FAM135B: variants seen among roughly 807,000 people sequenced by gnomAD.
FAM135B encodes family with sequence similarity 135 member B.
A neutral mutation model predicts 127.7 loss-of-function variants in FAM135B; 43 were observed. The observed-to-expected ratio is 0.34, with a 90% confidence interval of 0.26 to 0.43. FAM135B has a LOEUF of 0.43. Among genes scored for constraint, FAM135B ranks in the 20% least tolerant of loss-of-function variants. The pLI, the probability that FAM135B is intolerant of heterozygous loss-of-function variation, is 1.00. For synonymous variants in FAM135B, 670 were observed against 665.1 expected (o/e 1.01, Z -0.11); for missense variants, 1,558 against 1,725.6 (o/e 0.90, Z 1.72).
chr8:138,291,137 G>A (rs1825080654), intron 3 of FAM135B, among the ~76,000 whole-genome samples: 1 of 152,196 alleles, frequency 6.6e-6, no homozygotes, highest in African/African-American at 2.4e-5. Context: ...TGCAGAGCTA[G>A]CTGACAATAG....
intron 2 of FAM135B, among the ~76,000 whole-genome samples, chr8:138,336,160 A>G (rs1828566331): frequency 6.6e-6 from 1 of 152,150 alleles, no homozygotes; most frequent in Non-Finnish European, 1.5e-5. Context: ...AGCAGGAAAG[A>G]TCTAAAATTG....
At chr8:138,163,898 A>C (rs1187764283) in intron 12 of FAM135B, among the ~76,000 whole-genome samples, 1 of 152,146 alleles carries the variant, frequency 6.6e-6, no homozygotes, top group Non-Finnish European at 1.5e-5. Context: ...GCACGGTCAC[A>C]GCTCACTGTA....
intron 1 of FAM135B, among the ~76,000 whole-genome samples, chr8:138,394,608 C>A (rs1470601212): frequency 6.6e-6 from 1 of 152,208 alleles, no homozygotes; most frequent in Non-Finnish European, 1.5e-5. Context: ...TTCACTGAGG[C>A]AGGTGACCTT....
chr8:138,318,943 C>T (rs970082422), intron 2 of FAM135B, among the ~76,000 whole-genome samples: 1 of 152,262 alleles, frequency 6.6e-6, no homozygotes, highest in East Asian at 1.9e-4. Flanking sequence ...ACCACATATT[C>T]ATATATGATG....
chr8:138,160,874 CA>C (rs1819320287), intron 12 of FAM135B, among the ~76,000 whole-genome samples: 1 of 152,132 alleles, frequency 6.6e-6, no homozygotes, highest in African/African-American at 2.4e-5. Context: ...TTGTAAATAT[CA>C]AAGCATTTCT....
chr8:138,305,310 A>C (rs1162306435), intron 3 of FAM135B, among the ~76,000 whole-genome samples: 1 of 152,174 alleles, frequency 6.6e-6, no homozygotes, highest in Non-Finnish European at 1.5e-5. Context: ...TTTTGTGCCT[A>C]ATCATTTGCT....
chr8:138,134,049 C>T (rs187489155), intron 19 of FAM135B, among the ~76,000 whole-genome samples: 26 of 152,192 alleles, frequency 1.7e-4, no homozygotes, highest in African/African-American at 4.8e-4. Flanking sequence ...CTTAGAGTAG[C>T]GGTCATTACA....
At position 138,250,821 on chromosome 8, in the gene FAM135B, G is replaced by A. The variant is rs1821640134; in HGVS notation, c.542+20C>T. On this transcript the variant is annotated intron_variant, in intron 6 of 19. Transcript: ENST00000395297. ...TGGAAGGTGGCTCCCACATATCAGG[G>A]CTGCCTCTGAACTTCATACCTGATC... 1 of 1,611,968 alleles carries A rather than the reference G, an allele frequency of 6.2e-7. No homozygotes were observed. Among genetic ancestry groups the A allele is most frequent in the Non-Finnish European group, 8.5e-7 (1 of 1,179,128 alleles).
At chr8:138,216,765 T>G (rs1818578662) in intron 7 of FAM135B, among the ~76,000 whole-genome samples, 1 of 152,194 alleles carries the variant, frequency 6.6e-6, no homozygotes, top group Non-Finnish European at 1.5e-5. Context: ...TAAACTCTGA[T>G]TAATCCACAG....
chr8:138,396,889 C>T (rs992270270), intron 1 of FAM135B, among the ~76,000 whole-genome samples: 9 of 152,170 alleles, frequency 5.9e-5, no homozygotes, highest in Non-Finnish European at 8.8e-5. Context: ...AAAGGACACA[C>T]GTGCCCCTAA....
Position 138,357,805 on chromosome 8 carries a change from C to T in FAM135B, c.77+10102G>A, listed in dbSNP as rs140800477. 5.1e-3 allele frequency among the ~76,000 whole-genome samples: 780 copies of T among 152,210 alleles called. 1 individual carries two copies. Among genetic ancestry groups the T allele is most frequent in the Non-Finnish European group, 6.9e-3 (466 of 68,012 alleles). Reference sequence around the variant, plus strand: ...TATTGACTATATTTCCCTAGTGTCCCTACAGCTATCATTTCTTTAGAAACG... The same window carrying T: ...TATTGACTATATTTCCCTAGTGTCCTTACAGCTATCATTTCTTTAGAAACG... On this transcript the variant is annotated intron_variant, in intron 2 of 19. Coordinates refer to ENST00000395297, the MANE Select transcript of FAM135B (RefSeq NM_015912.4).
intron 2 of FAM135B, among the ~76,000 whole-genome samples, chr8:138,322,551 A>G (rs1352020748): frequency 1.3e-5 from 2 of 152,232 alleles, no homozygotes; most frequent in Non-Finnish European, 2.9e-5. Context: ...GCAATAATGC[A>G]ATCAGTGGCT....
chr8:138,415,325 G>T (rs1834079869), intron 1 of FAM135B, among the ~76,000 whole-genome samples: 1 of 152,136 alleles, frequency 6.6e-6, no homozygotes, highest in African/African-American at 2.4e-5. Context: ...ACAGCATCTG[G>T]CCCAGAGCAG....
At chr8:138,198,896 G>A (rs1183389476) in intron 7 of FAM135B, among the ~76,000 whole-genome samples, 1 of 152,210 alleles carries the variant, frequency 6.6e-6, no homozygotes, top group Non-Finnish European at 1.5e-5. Context: ...GAGTCCTTGA[G>A]TAGTATGCTC....
chr8:138,448,158 T>G (rs1228167890), intron 1 of FAM135B, among the ~76,000 whole-genome samples: 1 of 151,968 alleles, frequency 6.6e-6, no homozygotes, highest in East Asian at 1.9e-4. Context: ...TCAGAATTGT[T>G]TGGGGAAGGT....
intron 7 of FAM135B, among the ~76,000 whole-genome samples, chr8:138,222,184 A>G (rs1158234519): frequency 1.3e-5 from 2 of 152,132 alleles, no homozygotes; most frequent in East Asian, 3.9e-4. Flanking sequence ...ATAAACAGAG[A>G]AGCCATGTAA....
In FAM135B at chr8:138,153,201, AC is replaced by A; in HGVS notation, c.1273del (p.Val425PhefsTer9). 6.4e-7 allele frequency: 1 copy of A among 1,568,738 alleles called. No individual in the cohort carries two copies. Among genetic ancestry groups the A allele is most frequent in the South Asian group, 1.2e-5 (1 of 84,450 alleles). On this transcript the variant is annotated frameshift_variant, in exon 13 of 20. Transcript: ENST00000395297. LOFTEE classifies it high-confidence loss of function. Reference sequence around the variant, plus strand: ...CACTGGAACATCAAAATTAGGATAAACACTCAAGTTATGCCCTACAAAAAAA... The same window carrying A: ...CACTGGAACATCAAAATTAGGATAAAACTCAAGTTATGCCCTACAAAAAAA... ...DCPATGHNLS[V>X]YPNFDVPVTS...
intron 7 of FAM135B, among the ~76,000 whole-genome samples, chr8:138,218,530 G>T (rs1217673015): frequency 2.0e-5 from 3 of 152,086 alleles, no homozygotes; most frequent in Admixed American, 6.6e-5. Context: ...CAGATCCCCT[G>T]TTTGCTCCTT....
intron 3 of FAM135B, among the ~76,000 whole-genome samples, chr8:138,298,610 G>A (rs936713838): frequency 3.3e-5 from 5 of 152,102 alleles, no homozygotes; most frequent in Admixed American, 1.3e-4. Context: ...AGCGAACCAG[G>A]ACCTGTTAAG....
Sources: allele counts gnomAD v4.1 joint callset (sites outside exome capture counted in the v4.1 genomes callset), GRCh38; gene constraint gnomAD v4.1.1; transcripts MANE v1.5; gene names NCBI Gene and HGNC (gene_info 2026-07-23, HGNC 2026-07-21).